Variants in TTC39B observed in about 807,000 individuals in gnomAD.
The protein encoded by TTC39B is tetratricopeptide repeat domain 39B.
In TTC39B, 92 loss-of-function variants were observed where a neutral mutation model predicts 96.6. The ratio of observed to expected loss-of-function variants is 0.95; its 90% CI spans 0.80 to 1.13. The LOEUF (loss-of-function observed/expected upper bound fraction) is 1.13. TTC39B is among the 50% of genes most tolerant of loss of function. TTC39B has a pLI of 0.00. For missense variants in TTC39B, 955 were observed against 809.3 expected (o/e 1.18, Z -2.18); for synonymous variants, 367 against 299.4 (o/e 1.23, Z -2.33).
exon 12 of TTC39B, chr9:15,189,792 C>T (rs768957181): frequency 2.5e-6 from 4 of 1,604,208 alleles, no homozygotes; most frequent in Non-Finnish European, 2.6e-6. Flanking sequence ...TTCTCCTGTA[C>T]CTAGAAATTT....
In TTC39B at chr9:15,282,766, A is replaced by T. The variant is rs144918174; in HGVS notation, c.241-14818T>A. 1.7e-3 allele frequency among the ~76,000 whole-genome samples: 262 copies of T among 152,312 alleles called. 1 individual carries two copies. Among genetic ancestry groups the T allele is most frequent in the African/African-American group, 5.9e-3 (244 of 41,572 alleles). ...GATGAAACTGGAGCACAGAGAGGTTAAGTAACTCACCCAAGGTCACAAAGC... is the reference window on the plus strand; with the variant it reads ...GATGAAACTGGAGCACAGAGAGGTTTAGTAACTCACCCAAGGTCACAAAGC... On this transcript the variant is annotated intron_variant, in intron 1 of 19. Coordinates refer to ENST00000512701, the Ensembl canonical transcript of TTC39B.
chr9:15,303,537 A>G (rs1422074184), intron 1 of TTC39B, among the ~76,000 whole-genome samples: 1 of 152,088 alleles, frequency 6.6e-6, no homozygotes, highest in Non-Finnish European at 1.5e-5. Context: ...ATGCCCAGCT[A>G]ACTATTCATA....
intron 1 of TTC39B, among the ~76,000 whole-genome samples, chr9:15,279,631 T>C (rs1252359152): frequency 6.6e-6 from 1 of 152,196 alleles, no homozygotes; most frequent in African/African-American, 2.4e-5. Flanking sequence ...AGATGAGTTA[T>C]TATCACTATT....
At chr9:15,192,685 A>C in exon 9 of TTC39B, 1 of 1,613,584 alleles carries the variant, frequency 6.2e-7, no homozygotes, top group Non-Finnish European at 8.5e-7. Flanking sequence ...TGCAGGATAG[A>C]AAGACATTCT....
chr9:15,270,605 A>C (rs75340020), intron 1 of TTC39B, among the ~76,000 whole-genome samples: 3,856 of 150,094 alleles, frequency 0.026, 168 homozygotes, highest in African/African-American at 0.09. Context: ...CCACCCCTCC[A>C]TCAAAAAAAG....
intron 8 of TTC39B, among the ~76,000 whole-genome samples, chr9:15,198,679 G>T (rs773257318): frequency 5.3e-5 from 8 of 151,530 alleles, no homozygotes; most frequent in Non-Finnish European, 7.4e-5. Context: ...TAAAGCAAAA[G>T]AAGACAGGAA....
chr9:15,239,336 C>T (rs1821931163), intron 2 of TTC39B, among the ~76,000 whole-genome samples: 1 of 152,208 alleles, frequency 6.6e-6, no homozygotes, highest in African/African-American at 2.4e-5. Flanking sequence ...GTTGCTTCAA[C>T]CTCTATGGAA....
At chr9:15,299,468 G>C (rs1161766245) in intron 1 of TTC39B, among the ~76,000 whole-genome samples, 2 of 152,112 alleles carry the variant, frequency 1.3e-5, no homozygotes, top group African/African-American at 4.8e-5. Context: ...AACTGGCCGC[G>C]GTGGCTCTGG....
intron 2 of TTC39B, among the ~76,000 whole-genome samples, chr9:15,262,611 C>T (rs1432218345): frequency 1.3e-5 from 2 of 151,934 alleles, no homozygotes; most frequent in Non-Finnish European, 2.9e-5. Context: ...ATAACACAAT[C>T]GTTACCACAA....
chr9:15,272,555 C>T (rs7874421), intron 1 of TTC39B, among the ~76,000 whole-genome samples: 8,011 of 152,218 alleles, frequency 0.053, 232 homozygotes, highest in East Asian at 0.073. Context: ...CCAGGGCCAA[C>T]CTTGAAGTGC....
intron 9 of TTC39B, among the ~76,000 whole-genome samples, chr9:15,191,888 G>T (rs1000403254): frequency 6.6e-6 from 1 of 152,208 alleles, no homozygotes; most frequent in African/African-American, 2.4e-5. Flanking sequence ...GAAGAAGTAC[G>T]TGGTCAGATC....
intron 19 of TTC39B, among the ~76,000 whole-genome samples, chr9:15,173,357 G>C (rs1817760643): frequency 6.6e-6 from 1 of 152,010 alleles, no homozygotes; most frequent in African/African-American, 2.4e-5. Context: ...TAAAGCTTTT[G>C]CCCCATTACG....
At chr9:15,176,470 T>C (rs560456090) in intron 18 of TTC39B, among the ~76,000 whole-genome samples, 1 of 152,342 alleles carries the variant, frequency 6.6e-6, no homozygotes, top group Middle Eastern at 3.4e-3. Flanking sequence ...AGTCCTCCTA[T>C]ATTCCCATCA....
At chr9:15,235,913 C>G (rs1821757551) in intron 2 of TTC39B, among the ~76,000 whole-genome samples, 1 of 146,626 alleles carries the variant, frequency 6.8e-6, no homozygotes, top group South Asian at 2.2e-4. Flanking sequence ...AATTGAAACT[C>G]CAAAACAACT....
exon 20 of TTC39B, chr9:15,167,026 A>ATTTTTT (rs1817541466): frequency 3.5e-4 from 4 of 11,586 alleles, no homozygotes; most frequent in Non-Finnish European, 5.7e-4. Flanking sequence ...ATATATATAT[A>ATTTTTT]TATTTTTTTT....
At chr9:15,212,767 C>T (rs1375098123) in intron 4 of TTC39B, among the ~76,000 whole-genome samples, 2 of 152,312 alleles carry the variant, frequency 1.3e-5, no homozygotes, top group East Asian at 1.9e-4. Context: ...CTGAACACAA[C>T]ACTAAATCAC....
chr9:15,237,430 T>G (rs1821836133), intron 2 of TTC39B, among the ~76,000 whole-genome samples: 1 of 151,604 alleles, frequency 6.6e-6, no homozygotes, highest in Admixed American at 6.6e-5. Flanking sequence ...ATAAGCATAA[T>G]CAAAAATGAT....
chr9:15,286,307 T>C lies in TTC39B; in HGVS notation c.241-18359A>G, dbSNP rs868761934. The stretch of plus-strand genomic sequence containing the variant: ...ATCTGAAACATTTTCACAGCCCTTA[T>C]GTTTTATGATACCAGCAGTCTTGGA... On this transcript the variant is annotated intron_variant, in intron 1 of 19. Transcript: ENST00000512701. Among the ~76,000 whole-genome samples, 12 of 152,238 alleles carry C rather than the reference T, an allele frequency of 7.9e-5. No individual in the cohort carries two copies. The South Asian group carries it at 1.4e-3, about 18-fold the overall frequency.
chr9:15,198,275 G>C (rs1819298173), intron 8 of TTC39B, among the ~76,000 whole-genome samples: 1 of 151,398 alleles, frequency 6.6e-6, no homozygotes, highest in Non-Finnish European at 1.5e-5. Context: ...CGGTCAATAT[G>C]GTGAAACCCC....
Sources: gnomAD v4.1 joint callset for allele counts (sites outside exome capture counted in the v4.1 genomes callset) on GRCh38, gnomAD v4.1.1 for gene constraint, MANE v1.5 for transcripts, NCBI Gene and HGNC (gene_info 2026-07-23, HGNC 2026-07-21) for gene names.